Variants in ARHGAP15 observed in about 807,000 individuals in gnomAD.
ARHGAP15 encodes rho GTPase-activating protein 15.
In ARHGAP15, 51 loss-of-function variants were observed where a neutral mutation model predicts 63.7. The observed-to-expected ratio is 0.80, with a 90% CI of 0.64 to 1.01. The LOEUF (loss-of-function observed/expected upper bound fraction) is 1.01. Among genes scored for constraint, ARHGAP15 ranks in the 50% least tolerant of loss-of-function variants. The pLI is 0.00. For missense variants in ARHGAP15, 560 were observed against 564.6 expected (o/e 0.99, Z 0.08); for synonymous variants, 191 against 193.8 (o/e 0.99, Z 0.12).
intron 11 of ARHGAP15, among the ~76,000 whole-genome samples, chr2:143,621,182 G>C (rs1210243718): frequency 6.6e-6 from 1 of 152,142 alleles, no homozygotes; most frequent in Non-Finnish European, 1.5e-5. Context: ...AAACATACTA[G>C]AATGTACAAG....
chr2:143,290,877 G>A (rs536550391), intron 6 of ARHGAP15, among the ~76,000 whole-genome samples: 15 of 152,244 alleles, frequency 9.9e-5, no homozygotes, highest in Non-Finnish European at 2.1e-4. Flanking sequence ...GCCGGCAGCA[G>A]GTAACGAGGT....
chr2:143,639,008 G>A (rs1240597153), intron 12 of ARHGAP15, among the ~76,000 whole-genome samples: 1 of 151,938 alleles, frequency 6.6e-6, no homozygotes, highest in Non-Finnish European at 1.5e-5. Context: ...ATATTAAGTA[G>A]CCTTCCTAAG....
intron 11 of ARHGAP15, among the ~76,000 whole-genome samples, chr2:143,623,767 C>A (rs575043911): frequency 6.6e-6 from 1 of 152,238 alleles, no homozygotes; most frequent in African/African-American, 2.4e-5. Flanking sequence ...CTTGAGCCGG[C>A]CATCATTGGC....
chr2:143,516,529 C>G (rs967250359), intron 9 of ARHGAP15, among the ~76,000 whole-genome samples: 1 of 152,092 alleles, frequency 6.6e-6, no homozygotes, highest in Non-Finnish European at 1.5e-5. Flanking sequence ...TCTTTGAATA[C>G]TTTTATTAGC....
At chr2:143,499,214 C>A (rs926764317) in intron 9 of ARHGAP15, among the ~76,000 whole-genome samples, 15 of 152,156 alleles carry the variant, frequency 9.9e-5, no homozygotes, top group African/African-American at 3.6e-4. Flanking sequence ...TATTGACTAA[C>A]TGTCTGTGTT....
Position 143,330,454 on chromosome 2 carries a change from T to G in ARHGAP15, c.474+79854T>G, listed in dbSNP as rs1684500343. 2.6e-5 allele frequency among the ~76,000 whole-genome samples: 4 copies of G among 152,274 alleles called. No individual in the cohort carries two copies. In the South Asian group the frequency reaches 8.3e-4, roughly 32 times the overall value. ...ATAAAATACCCATAGTAATTTGTGT[T>G]AAGTTTATAAGATTTCATAAGTAGC... is the stretch of plus-strand genomic sequence containing the variant. On this transcript the variant is annotated intron_variant, in intron 6 of 13. Transcript: ENST00000295095.
intron 6 of ARHGAP15, among the ~76,000 whole-genome samples, chr2:143,432,888 C>T (rs1689448149): frequency 6.6e-6 from 1 of 152,022 alleles, no homozygotes; most frequent in Non-Finnish European, 1.5e-5. Context: ...AGACCAGCAG[C>T]TCTTATCTAA....
At chr2:143,186,328 C>A (rs956960025) in intron 2 of ARHGAP15, among the ~76,000 whole-genome samples, 1 of 151,948 alleles carries the variant, frequency 6.6e-6, no homozygotes. Context: ...TTAAAGTTTT[C>A]TGTTTTAAAG....
At chr2:143,155,433 A>C in intron 1 of ARHGAP15, 44 bp from the exon 2 acceptor site, 4 of 1,472,686 alleles carry the variant, frequency 2.7e-6, no homozygotes, top group Non-Finnish European at 3.6e-6. Context: ...TTTCATGGAA[A>C]ATTGTATGTT....
intron 13 of ARHGAP15, among the ~76,000 whole-genome samples, chr2:143,747,742 G>A (rs185088545): frequency 6.3e-4 from 96 of 152,142 alleles, no homozygotes; most frequent in African/African-American, 2.2e-3. Flanking sequence ...ACTATATTCC[G>A]TTGTATGGAT....
chr2:143,152,541 A>T (rs1347180764), intron 1 of ARHGAP15, among the ~76,000 whole-genome samples: 1 of 152,026 alleles, frequency 6.6e-6, no homozygotes, highest in East Asian at 1.9e-4. Flanking sequence ...GATAAAGATT[A>T]TCTCTAGTCT....
intron 6 of ARHGAP15, among the ~76,000 whole-genome samples, chr2:143,279,284 C>A (rs1264081469): frequency 1.3e-5 from 2 of 152,152 alleles, no homozygotes; most frequent in African/African-American, 4.8e-5. Flanking sequence ...AGACCCTTCT[C>A]ATTCTCAAGT....
At chr2:143,540,608 A>G (rs1695003009) in intron 10 of ARHGAP15, among the ~76,000 whole-genome samples, 1 of 152,066 alleles carries the variant, frequency 6.6e-6, no homozygotes, top group South Asian at 2.1e-4. Flanking sequence ...CTTGTCTGTA[A>G]AGTATTTTAT....
chr2:143,448,257 G>A (rs372144549), intron 8 of ARHGAP15, among the ~76,000 whole-genome samples: 1 of 152,112 alleles, frequency 6.6e-6, no homozygotes, highest in African/African-American at 2.4e-5. Context: ...TGAACCATTG[G>A]CAAAGGGTCT....
At chr2:143,722,820 A>G (rs1375604592) in intron 13 of ARHGAP15, among the ~76,000 whole-genome samples, 3 of 152,060 alleles carry the variant, frequency 2.0e-5, no homozygotes, top group Non-Finnish European at 2.9e-5. Context: ...GAGGCAAAGG[A>G]GAAGGAGAGA....
intron 6 of ARHGAP15, among the ~76,000 whole-genome samples, chr2:143,279,556 C>T (rs75755089): frequency 1.3e-5 from 2 of 152,054 alleles, no homozygotes; most frequent in South Asian, 4.1e-4. Flanking sequence ...TTGAATCTCT[C>T]ATAAATCTTG....
chr2:143,464,574 A>G (rs1691113352), intron 8 of ARHGAP15, among the ~76,000 whole-genome samples: 1 of 152,302 alleles, frequency 6.6e-6, no homozygotes, highest in African/African-American at 2.4e-5. Flanking sequence ...TATTTATATT[A>G]CTAAATATAA....
intron 5 of ARHGAP15, among the ~76,000 whole-genome samples, chr2:143,234,188 A>G (rs1398264062): frequency 1.3e-5 from 2 of 152,080 alleles, no homozygotes; most frequent in Non-Finnish European, 2.9e-5. Context: ...GTTTCTTTTA[A>G]AAATGTACTA....
chr2:143,313,146 C>G (rs1039411862), intron 6 of ARHGAP15, among the ~76,000 whole-genome samples: 1 of 151,716 alleles, frequency 6.6e-6, no homozygotes, highest in African/African-American at 2.4e-5. Flanking sequence ...AAAATACTGA[C>G]AAGATGAGAG....
Sources: gnomAD v4.1 joint callset for allele counts (sites outside exome capture counted in the v4.1 genomes callset) on GRCh38, gnomAD v4.1.1 for gene constraint, MANE v1.5 for transcripts, NCBI Gene and HGNC (gene_info 2026-07-23, HGNC 2026-07-21) for gene names.